MAP2: variants seen among roughly 807,000 people sequenced by gnomAD.
The protein encoded by MAP2 is microtubule associated protein 2, also known as microtubule-associated protein 2.
A neutral mutation model predicts 137.6 loss-of-function variants in MAP2; 14 were observed. That is an observed-to-expected ratio of 0.10 (90% CI 0.07 to 0.16). The LOEUF (loss-of-function observed/expected upper bound fraction) is 0.16. MAP2 is among the 10% of genes least tolerant of loss of function. The pLI is 1.00. For missense variants in MAP2, 2,088 were observed against 2,191.5 expected (o/e 0.95, Z 0.94); for synonymous variants, 786 against 782.3 (o/e 1.00, Z -0.08).
At chr2:209,488,450 CT>C (rs2149937308) in intron 1 of MAP2, among the ~76,000 whole-genome samples, 1 of 152,304 alleles carries the variant, frequency 6.6e-6, no homozygotes, top group East Asian at 1.9e-4. Context: ...ATTCACTCCC[CT>C]GGAAAGGGGG....
chr2:209,427,309 T>G (rs1019900544), intron 1 of MAP2, among the ~76,000 whole-genome samples: 1 of 152,164 alleles, frequency 6.6e-6, no homozygotes, highest in African/African-American at 2.4e-5. Context: ...CATTAGTAAA[T>G]GCATGAACCT....
At chr2:209,571,181 A>G (rs2074335513) in intron 2 of MAP2, among the ~76,000 whole-genome samples, 1 of 151,926 alleles carries the variant, frequency 6.6e-6, no homozygotes, top group South Asian at 2.1e-4. Context: ...CTTTTGCATA[A>G]TATTCACTAT....
intron 1 of MAP2, among the ~76,000 whole-genome samples, chr2:209,480,601 A>G (rs918178815): frequency 4.6e-5 from 7 of 152,088 alleles, no homozygotes; most frequent in African/African-American, 1.4e-4. Context: ...GTCCATGAGC[A>G]GGATTTGCCA....
intron 3 of MAP2, among the ~76,000 whole-genome samples, chr2:209,616,718 A>G (rs1282369777): frequency 2.6e-5 from 4 of 152,174 alleles, no homozygotes; most frequent in Non-Finnish European, 4.4e-5. Context: ...GAGTATACAC[A>G]TTAGTTGGGG....
chr2:209,452,831 T>G (rs181476259), intron 1 of MAP2, among the ~76,000 whole-genome samples: 1 of 152,188 alleles, frequency 6.6e-6, no homozygotes, highest in Non-Finnish European at 1.5e-5. Context: ...TTTGCTGCAA[T>G]CTTATAGCAT....
At position 209,733,210 on chromosome 2, in the gene MAP2, G is replaced by A. The variant is rs920392068; in HGVS notation, c.*2813G>A. On this transcript the variant is annotated 3_prime_UTR_variant, in exon 16 of 16. Coordinates refer to ENST00000682079, the MANE Select transcript of MAP2 (RefSeq NM_001375505.1). Reference sequence around the variant, plus strand: ...CTTCTCCAGTGAACTCAACCTCTGGGTCACTTGCAACCAGAAATTGGATAC... The same window carrying A: ...CTTCTCCAGTGAACTCAACCTCTGGATCACTTGCAACCAGAAATTGGATAC... 6.6e-6 allele frequency: 1 copy of A among 152,598 alleles called. No homozygotes were observed. The highest frequency in any genetic ancestry group is 2.4e-5 in the African/African-American group (1 of 41,420). 9.5% of individuals were successfully genotyped at this position (152,598 alleles called of 1,614,324 possible). A position where few individuals can be genotyped will look rare whatever the true frequency, so the allele number is the denominator to read the frequency against.
intron 14 of MAP2, among the ~76,000 whole-genome samples, chr2:209,726,574 A>T (rs1316062289): frequency 6.6e-6 from 1 of 152,174 alleles, no homozygotes; most frequent in Non-Finnish European, 1.5e-5. Context: ...ACTCAGCAAC[A>T]TAGGGAAACC....
chr2:209,710,835 T>G (rs1003669318), intron 13 of MAP2: 2 of 153,364 alleles, frequency 1.3e-5, no homozygotes, highest in African/African-American at 4.8e-5. Flanking sequence ...TGAACTTCTA[T>G]TCAAGATTAA....
intron 1 of MAP2, among the ~76,000 whole-genome samples, chr2:209,468,306 G>A (rs1266448069): frequency 8.6e-6 from 1 of 116,742 alleles, no homozygotes; most frequent in Non-Finnish European, 1.8e-5. Flanking sequence ...GATTTTTTCA[G>A]TTTAGTGTTT....
intron 2 of MAP2, among the ~76,000 whole-genome samples, chr2:209,529,976 T>C (rs1350625886): frequency 6.7e-6 from 1 of 148,258 alleles, no homozygotes; most frequent in Non-Finnish European, 1.5e-5. Context: ...TTTCCTTAGG[T>C]ATATTTAATT....
intron 2 of MAP2, among the ~76,000 whole-genome samples, chr2:209,524,498 T>C (rs1022259091): frequency 2.0e-5 from 3 of 152,034 alleles, no homozygotes; most frequent in Admixed American, 2.0e-4. Flanking sequence ...AAACATGAGA[T>C]TAAACATTAA....
chr2:209,710,332 C>A lies in MAP2; in HGVS notation c.5073+78C>A, dbSNP rs1323089919. Reference sequence around the variant, plus strand: ...TTCTTCATATTGAAAACTAACAGTTCTTAAAAGGGAAGCAGAGGTGTTAAA... The same window carrying A: ...TTCTTCATATTGAAAACTAACAGTTATTAAAAGGGAAGCAGAGGTGTTAAA... On this transcript the variant is annotated intron_variant, in intron 13 of 15. Transcript: ENST00000682079. 4.0e-6 allele frequency: 5 copies of A among 1,244,970 alleles called. No homozygotes were observed. In the East Asian group the frequency reaches 1.3e-4, roughly 32 times the overall value. The allele number at this position is 1,244,970 out of a possible 1,614,324, so 77.1% of individuals were successfully genotyped here. A position where few individuals can be genotyped will look rare whatever the true frequency, so the allele number is the denominator to read the frequency against.
At chr2:209,461,639 G>A (rs1243461409) in intron 1 of MAP2, among the ~76,000 whole-genome samples, 2 of 152,120 alleles carry the variant, frequency 1.3e-5, no homozygotes, top group East Asian at 1.9e-4. Flanking sequence ...CAGTGGAGAC[G>A]GGGTTTCTCC....
In MAP2 at chr2:209,717,316, A is replaced by G. The variant is rs373197291; in HGVS notation, c.5073+7062A>G. Among the ~76,000 whole-genome samples, 4 of 152,224 alleles carry G rather than the reference A, an allele frequency of 2.6e-5. No individual in the cohort carries two copies. The East Asian group carries it at 5.8e-4, about 22-fold the overall frequency. ...GCCTGCTTTAAGGGAAAGCAGTTCC[A>G]CACACTTTTAAATCATCAGATCTCA... On this transcript the variant is annotated intron_variant, in intron 13 of 15. Coordinates refer to ENST00000682079, the MANE Select transcript of MAP2 (RefSeq NM_001375505.1).
chr2:209,520,321 T>C (rs1381173400), intron 2 of MAP2, among the ~76,000 whole-genome samples: 1 of 152,088 alleles, frequency 6.6e-6, no homozygotes, highest in Non-Finnish European at 1.5e-5. Context: ...ATCCATATGC[T>C]CTAATAAAAG....
intron 5 of MAP2, among the ~76,000 whole-genome samples, chr2:209,665,601 G>A (rs1293721950): frequency 6.6e-6 from 1 of 152,096 alleles, no homozygotes; most frequent in Admixed American, 6.5e-5. Flanking sequence ...TACCAGTATC[G>A]TCTTGGAAAG....
chr2:209,696,405 T>G lies in MAP2; in HGVS notation c.4180+55T>G, dbSNP rs1045204201. 52 of 1,506,932 alleles carry G rather than the reference T, an allele frequency of 3.5e-5. No homozygotes were observed. The Admixed American group carries it at 6.7e-4, about 19-fold the overall frequency. 93.3% of individuals were successfully genotyped at this position (1,506,932 alleles called of 1,614,324 possible). ...TCAAACACAATAACCTTATGGGAAT[T>G]TTTTTTCACTTAAACATTTTAAAAT... On this transcript the variant is annotated intron_variant, in intron 8 of 15. Transcript: ENST00000682079.
chr2:209,696,931 G>C lies in MAP2; in HGVS notation c.4402G>C (p.Ala1468Pro). Residue 1468 changes from alanine (A) to proline (P), a missense_variant, in exon 10 of 16, where the codon GCT becomes CCT. Coordinates refer to ENST00000682079, the MANE Select transcript of MAP2 (RefSeq NM_001375505.1). ...VRRKKAVYKK[A>P]ELAKKTEVQA... ...CTTATTCATAGCAGTTTATAAGAAG[G>C]CTGAACTTGCTAAAAAAACAGAAGT... is the stretch of plus-strand genomic sequence containing the variant. 1.9e-6 allele frequency: 3 copies of C among 1,604,072 alleles called. No individual in the cohort carries two copies. Among genetic ancestry groups the C allele is most frequent in the Non-Finnish European group, 2.5e-6 (3 of 1,177,536 alleles).
Position 209,424,064 on chromosome 2 carries a change from C to A in MAP2, c.-434C>A. ...CCGCTCTCAGTCTGGGGCGGGCGCT[C>A]GGGCTGCGCGGGCTCTGGGCAGCAG... On this transcript the variant is annotated 5_prime_UTR_variant, in exon 1 of 16. Transcript: ENST00000682079. 6.3e-6 allele frequency: 1 copy of A among 157,960 alleles called. No homozygotes were observed. The highest frequency in any genetic ancestry group is 1.8e-4 in the South Asian group (1 of 5,644). The allele number at this position is 157,960 out of a possible 1,614,324, so 9.8% of individuals were successfully genotyped here.
Sources: gnomAD v4.1 joint callset for allele counts (sites outside exome capture counted in the v4.1 genomes callset) on GRCh38, gnomAD v4.1.1 for gene constraint, MANE v1.5 for transcripts, NCBI Gene and HGNC (gene_info 2026-07-23, HGNC 2026-07-21) for gene names.